Variants in ANKHD1 observed in about 807,000 individuals in gnomAD.
The protein encoded by ANKHD1 is ankyrin repeat and KH domain-containing protein 1.
Under a neutral mutation model 230.5 loss-of-function variants are expected in ANKHD1, and 31 were observed. That is an observed-to-expected ratio of 0.13 (90% CI 0.10 to 0.18). ANKHD1 has a LOEUF of 0.18. Among genes scored for constraint, ANKHD1 ranks in the 10% least tolerant of loss-of-function variants. The probability of loss-of-function intolerance (pLI) is 1.00; values close to 1 mark genes in which losing one functional copy is unlikely to be tolerated. For synonymous variants in ANKHD1, 1,074 were observed against 1,117.6 expected, an observed-to-expected ratio of 0.96 and a Z score of 0.78; for missense variants, 2,256 against 3,071.3, an observed-to-expected ratio of 0.73 and a Z score of 6.27.
Position 140,458,770 on chromosome 5 carries a change from A to C in ANKHD1, c.1388A>C (p.Asn463Thr). ...LAALLIERGA[N>T]LEEVNDEGYT... is the part of the protein sequence containing the mutation. ...GCTCTACTTATTGAAAGGGGAGCAAATCTTGAAGAAGTTAATGATGAAGGA... is the reference window on the plus strand; with the variant it reads ...GCTCTACTTATTGAAAGGGGAGCAACTCTTGAAGAAGTTAATGATGAAGGA... The change falls in exon 8 of 34, where the codon AAT becomes ACT. Residue 463 changes from asparagine to threonine, a missense_variant. Asn to Thr is a moderately conservative substitution (Grantham distance 65, BLOSUM62 0). Around this residue, in one of 13 missense-constraint regions of ANKHD1, gnomAD observed 179 missense variants for 261.8 expected, o/e 0.68. Coordinates refer to ENST00000360839, the MANE Select transcript of ANKHD1 (RefSeq NM_017747.3). 1.9e-6 allele frequency: 3 copies of C among 1,613,192 alleles called. No homozygotes were observed. Among genetic ancestry groups the C allele is most frequent in the Non-Finnish European group, 2.5e-6 (3 of 1,179,748 alleles).
At chr5:140,441,603 G>A (rs571456765) in intron 5 of ANKHD1, among the ~76,000 whole-genome samples, 17 of 152,036 alleles carry the variant, frequency 1.1e-4, no homozygotes, top group Non-Finnish European at 2.1e-4. Flanking sequence ...ATTGGTTACC[G>A]GGTCAGGGGT....
At position 140,482,537 on chromosome 5, in the gene ANKHD1, G is replaced by C. The variant is rs1751330719; in HGVS notation, c.1783-43G>C. ...GTACTGTTTTTAAAATAGATGGTTA[G>C]ACTGTTGGCATTGATGGATTATTTT... On this transcript the variant is annotated intron_variant, in intron 10 of 33. Transcript: ENST00000360839. 3.8e-6 allele frequency: 6 copies of C among 1,596,886 alleles called. 1 individual carries two copies. Among genetic ancestry groups the C allele is most frequent in the South Asian group, 1.1e-5 (1 of 90,102 alleles).
chr5:140,407,079 A>G (rs1348105181), intron 1 of ANKHD1, among the ~76,000 whole-genome samples: 1 of 151,834 alleles, frequency 6.6e-6, no homozygotes, highest in Non-Finnish European at 1.5e-5. Flanking sequence ...GGTGGGTCAC[A>G]AGATCAGGAG....
chr5:140,406,539 A>C (rs1442185174), intron 1 of ANKHD1, among the ~76,000 whole-genome samples: 2 of 151,950 alleles, frequency 1.3e-5, no homozygotes, highest in African/African-American at 2.4e-5. Flanking sequence ...GGTTAGAGGA[A>C]TGGACTCACA....
chr5:140,415,855 G>T (rs1771332372), intron 1 of ANKHD1, among the ~76,000 whole-genome samples: 1 of 152,084 alleles, frequency 6.6e-6, no homozygotes, highest in South Asian at 2.1e-4. Context: ...TGTTACATAT[G>T]TACACATGTG....
At position 140,438,467 on chromosome 5, in the gene ANKHD1, G is replaced by A; in HGVS notation, c.467G>A (p.Gly156Asp). ...TGATTGATGCACACTGAAGGAATTG[G>A]CAAATTGTCAACTGCTGATGGTAAA... Reference protein sequence around the residue: ...LEALLEAAGIGKLSTADGKAF... With the variant: ...LEALLEAAGIDKLSTADGKAF... The change falls in exon 3 of 34, where the codon GGC becomes GAC. Residue 156 changes from glycine to aspartate, a missense_variant. Physicochemically the swap from Gly to Asp is moderately conservative, Grantham distance 94 (BLOSUM62 -1). Around this residue, in one of 13 missense-constraint regions of ANKHD1, gnomAD observed 206 missense variants for 304.5 expected, o/e 0.68. Coordinates refer to ENST00000360839, the MANE Select transcript of ANKHD1 (RefSeq NM_017747.3). 1 of 1,603,670 alleles carries A rather than the reference G, an allele frequency of 6.2e-7. No homozygotes were observed. The highest frequency in any genetic ancestry group is 1.1e-5 in the South Asian group (1 of 89,378).
chr5:140,418,155 T>G (rs1384152196), intron 1 of ANKHD1, among the ~76,000 whole-genome samples: 1 of 149,974 alleles, frequency 6.7e-6, no homozygotes, highest in Admixed American at 6.6e-5. Flanking sequence ...TTTTTTTTTT[T>G]TTTTTTTTTG....
intron 11 of ANKHD1, 151 bp from the exon 12 acceptor site, chr5:140,484,970 A>G: frequency 7.9e-7 from 1 of 1,272,796 alleles, no homozygotes; most frequent in Non-Finnish European, 1.0e-6. Context: ...GTGTGTGTTC[A>G]TTTTGTGAAA....
chr5:140,514,394 T>C (rs895884376), intron 24 of ANKHD1, among the ~76,000 whole-genome samples: 1 of 148,738 alleles, frequency 6.7e-6, no homozygotes, highest in Non-Finnish European at 1.5e-5. Flanking sequence ...CTTGGGAGGG[T>C]GAGGTGGGAG....
intron 6 of ANKHD1, among the ~76,000 whole-genome samples, chr5:140,447,206 T>C (rs1252201014): frequency 1.3e-5 from 2 of 150,872 alleles, no homozygotes; most frequent in Non-Finnish European, 3.0e-5. Flanking sequence ...CCTGGCCTAT[T>C]TTTTATTATT....
At position 140,509,819 on chromosome 5, in the gene ANKHD1, A is replaced by T. The variant is rs1752682939; in HGVS notation, c.3941+7A>T. ...GTGAACTCCTGATTCATAGGTGAGTACTTTTCTATTATATGTAGAACTTCT... is the reference window on the plus strand; with the variant it reads ...GTGAACTCCTGATTCATAGGTGAGTTCTTTTCTATTATATGTAGAACTTCT... On this transcript the variant is annotated splice_region_variant and intron_variant, in intron 21 of 33. Coordinates refer to ENST00000360839, the MANE Select transcript of ANKHD1 (RefSeq NM_017747.3). 5 of 1,604,532 alleles carry T rather than the reference A, an allele frequency of 3.1e-6. No individual in the cohort carries two copies. The highest frequency in any genetic ancestry group is 4.2e-6 in the Non-Finnish European group (5 of 1,178,100).
chr5:140,491,111 C>T (rs181713017), intron 14 of ANKHD1, among the ~76,000 whole-genome samples: 87 of 101,872 alleles, frequency 8.5e-4, no homozygotes, highest in African/African-American at 3.1e-3. Context: ...TATATATACA[C>T]ACACACACAT....
chr5:140,486,904 G>A (rs997052225), intron 13 of ANKHD1, 54 bp from the exon 14 acceptor site: 21 of 1,557,050 alleles, frequency 1.3e-5, no homozygotes, highest in Non-Finnish European at 1.8e-5. Context: ...TCATTTATGG[G>A]CCTTTGTCTT....
chr5:140,451,082 G>A (rs1337600715), intron 7 of ANKHD1, among the ~76,000 whole-genome samples: 11 of 152,116 alleles, frequency 7.2e-5, no homozygotes. Context: ...AACCTGGGAG[G>A]TGGAGGTTGC....
chr5:140,438,009 G>T (rs1392663491), intron 2 of ANKHD1, among the ~76,000 whole-genome samples: 1 of 151,996 alleles, frequency 6.6e-6, no homozygotes, highest in Non-Finnish European at 1.5e-5. Context: ...TTAAAATGTT[G>T]CCCCAGAAGA....
intron 30 of ANKHD1, among the ~76,000 whole-genome samples, chr5:140,536,703 T>G (rs1754095602): frequency 6.6e-6 from 1 of 152,204 alleles, no homozygotes; most frequent in African/African-American, 2.4e-5. Flanking sequence ...TGCTAGGTAC[T>G]GTGCAAATAT....
At chr5:140,444,429 T>C (rs1774111971) in intron 5 of ANKHD1, among the ~76,000 whole-genome samples, 1 of 152,204 alleles carries the variant, frequency 6.6e-6, no homozygotes, top group African/African-American at 2.4e-5. Context: ...TTGTTAAAAA[T>C]ACAGGTTCCT....
intron 14 of ANKHD1, among the ~76,000 whole-genome samples, chr5:140,495,217 AGTTT>A (rs1751972951): frequency 6.7e-6 from 1 of 149,320 alleles, no homozygotes; most frequent in Non-Finnish European, 1.5e-5. Context: ...ATGAATCAGT[AGTTT>A]GTTCCTTTTT....
At chr5:140,468,049 A>ATTTTTTTT (rs1561768844) in intron 10 of ANKHD1, among the ~76,000 whole-genome samples, 1 of 92,792 alleles carries the variant, frequency 1.1e-5, no homozygotes, top group Non-Finnish European at 2.0e-5. Context: ...AAGTGTACTA[A>ATTTTTTTT]TTCTTTTTTT....
Sources: allele counts gnomAD v4.1 joint callset (sites outside exome capture counted in the v4.1 genomes callset), GRCh38; gene constraint gnomAD v4.1.1; regional missense constraint gnomAD v4.1.1; transcripts MANE v1.5; gene names NCBI Gene and HGNC (gene_info 2026-07-23, HGNC 2026-07-21).